Variants in PPP2R1A observed in about 807,000 individuals in gnomAD.
PPP2R1A encodes serine/threonine-protein phosphatase 2A 65 kDa regulatory subunit A alpha isoform.
PPP2R1A carries 15 observed loss-of-function variants against 67.1 expected under a neutral mutation model. That is an observed-to-expected ratio of 0.22 (90% CI 0.15 to 0.34). The LOEUF (loss-of-function observed/expected upper bound fraction) is 0.34. Among genes scored for constraint, PPP2R1A ranks in the 10% least tolerant of loss-of-function variants. The probability of loss-of-function intolerance (pLI) is 1.00; values close to 1 mark genes in which losing one functional copy is unlikely to be tolerated. For missense variants in PPP2R1A, 369 were observed against 775.0 expected, an observed-to-expected ratio of 0.48 and a Z score of 6.22; for synonymous variants, 337 against 325.0, an observed-to-expected ratio of 1.04 and a Z score of -0.40.
chr19:52,202,080 G>A (rs200525178), intron 2 of PPP2R1A, 46 bp downstream of exon 2: 21 of 1,526,958 alleles, frequency 1.4e-5, no homozygotes, highest in Non-Finnish European at 1.7e-5. Flanking sequence ...ACTCTTGGGA[G>A]GTGGTTTTCA....
chr19:52,221,379 C>T (rs956044026), intron 12 of PPP2R1A, among the ~76,000 whole-genome samples: 1 of 152,148 alleles, frequency 6.6e-6, no homozygotes, highest in Admixed American at 6.5e-5. Context: ...GGAGACTTGA[C>T]CTGTTGGAGC....
rs73935039 is a variant in PPP2R1A, at chr19:52,216,183, C to T, written c.993+109C>T. On this transcript the variant is annotated intron_variant, in intron 8 of 14. Coordinates refer to ENST00000322088, the MANE Select transcript of PPP2R1A (RefSeq NM_014225.6). This position sits in a 1 kb window ranked among gnomAD's most constrained non-coding sequence, Gnocchi z 4.3. The stretch of plus-strand genomic sequence containing the variant: ...AGCTGCAAACTAGGTTCCCAGCCCT[C>T]TGGGACCAGGCAGCTCTTGGGTTTC... The T allele has an allele frequency of 0.036, 45,004 of 1,248,276 alleles. 990 individuals carry two copies. Among genetic ancestry groups the T allele is most frequent in the African/African-American group, 0.078 (5,267 of 67,502 alleles). 77.3% of individuals were successfully genotyped at this position (1,248,276 alleles called of 1,614,324 possible). A position where few individuals can be genotyped will look rare whatever the true frequency, so the allele number is the denominator to read the frequency against.
intron 1 of PPP2R1A, among the ~76,000 whole-genome samples, chr19:52,199,869 G>A (rs1417196552): frequency 6.6e-6 from 1 of 152,194 alleles, no homozygotes; most frequent in South Asian, 2.1e-4. Context: ...AAAATCAGTT[G>A]CAGGTTTTGT....
chr19:52,190,219 T>G (rs764514613), intron 1 of PPP2R1A, 45 bp downstream of exon 1: 6 of 1,538,520 alleles, frequency 3.9e-6, no homozygotes, highest in Non-Finnish European at 5.3e-6. Context: ...GAGGGGTACC[T>G]GGGGGCACGG....
At chr19:52,194,015 A>G (rs2089476537) in intron 1 of PPP2R1A, among the ~76,000 whole-genome samples, 1 of 134,272 alleles carries the variant, frequency 7.4e-6, no homozygotes, top group South Asian at 2.6e-4. Context: ...CAGGAGACTG[A>G]GGTCGGAGGA....
At chr19:52,210,539 C>T (rs1424974104) in intron 3 of PPP2R1A, among the ~76,000 whole-genome samples, 1 of 144,806 alleles carries the variant, frequency 6.9e-6, no homozygotes, top group African/African-American at 2.6e-5. Flanking sequence ...GTTGCCCAGG[C>T]TGGAGTGCAG....
rs1979374983 is a variant in PPP2R1A at position 52,228,202 on chromosome 19, T to C, written c.*2221T>C. 1 of 152,272 alleles carries C rather than the reference T, an allele frequency of 6.6e-6. No individual in the cohort carries two copies. The highest frequency in any genetic ancestry group is 6.6e-5 in the Admixed American group (1 of 15,262). The allele number at this position is 152,272 out of a possible 1,614,324, so 9.4% of individuals were successfully genotyped here. Reference sequence around the variant, plus strand: ...TTGGGCAAGTGATGGAATGGGATTATTACAGGAGGTGGAGGTGCGATGGAT... The same window carrying C: ...TTGGGCAAGTGATGGAATGGGATTACTACAGGAGGTGGAGGTGCGATGGAT... On this transcript the variant is annotated 3_prime_UTR_variant, in exon 15 of 15. Transcript: ENST00000322088.
chr19:52,199,519 G>T (rs564196256), intron 1 of PPP2R1A, among the ~76,000 whole-genome samples: 13 of 152,254 alleles, frequency 8.5e-5, no homozygotes, highest in African/African-American at 2.9e-4. Flanking sequence ...AACTTTGGAA[G>T]ACTAACACAA....
chr19:52,205,876 G>A, intron 2 of PPP2R1A, 87 bp from the exon 3 acceptor site: 1 of 1,084,088 alleles, frequency 9.2e-7, no homozygotes, highest in Non-Finnish European at 1.4e-6. Flanking sequence ...ACAGCCTGAG[G>A]AAGCAGAATG....
intron 3 of PPP2R1A, among the ~76,000 whole-genome samples, chr19:52,210,209 A>G (rs2089651190): frequency 6.6e-6 from 1 of 152,126 alleles, no homozygotes; most frequent in African/African-American, 2.4e-5. Context: ...GTAGGTCACT[A>G]ATTAAGAGTT....
chr19:52,195,880 G>A (rs2089492760), intron 1 of PPP2R1A, among the ~76,000 whole-genome samples: 1 of 152,106 alleles, frequency 6.6e-6, no homozygotes, highest in Non-Finnish European at 1.5e-5. Flanking sequence ...TTGTTAGGTA[G>A]GCAGGATTGA....
chr19:52,223,536 G>A (rs1979070367), intron 13 of PPP2R1A, among the ~76,000 whole-genome samples: 1 of 152,188 alleles, frequency 6.6e-6, no homozygotes, highest in Non-Finnish European at 1.5e-5. Context: ...GGCAAGACAA[G>A]AAAGAGATGG....
rs1600173889 is a variant in PPP2R1A at position 52,222,343 on chromosome 19, C to T, written c.1661+102C>T. 9 of 1,455,142 alleles carry T rather than the reference C, an allele frequency of 6.2e-6. No homozygotes were observed. In the East Asian group the frequency reaches 2.2e-4, roughly 36 times the overall value. The allele number at this position is 1,455,142 out of a possible 1,614,324, so 90.1% of individuals were successfully genotyped here. A position where few individuals can be genotyped will look rare whatever the true frequency, so the allele number is the denominator to read the frequency against. ...GCCCAGGGTCAGAGGCCTGGCAGCG[C>T]TCCTTGCTTGCTGTGTGACCTTGGC... On this transcript the variant is annotated intron_variant, in intron 13 of 14. Coordinates refer to ENST00000322088, the MANE Select transcript of PPP2R1A (RefSeq NM_014225.6).
intron 14 of PPP2R1A, 34 bp from the exon 15 acceptor site, chr19:52,225,931 T>C (rs1278940410): frequency 1.2e-6 from 2 of 1,614,110 alleles, no homozygotes; most frequent in Non-Finnish European, 1.7e-6. Flanking sequence ...GAGAGGGCTC[T>C]GGTTCTGATT....
intron 3 of PPP2R1A, among the ~76,000 whole-genome samples, chr19:52,207,239 C>T (rs2089613411): frequency 1.3e-5 from 2 of 152,128 alleles, no homozygotes; most frequent in Admixed American, 1.3e-4. Context: ...GAAGGGGTTC[C>T]TTGAATTTCA....
At chr19:52,190,843 A>T (rs1267583152) in intron 1 of PPP2R1A, among the ~76,000 whole-genome samples, 5 of 152,106 alleles carry the variant, frequency 3.3e-5, no homozygotes, top group Non-Finnish European at 2.9e-5. Flanking sequence ...GGGATTTGCT[A>T]AGCAGATGAA....
intron 3 of PPP2R1A, among the ~76,000 whole-genome samples, chr19:52,207,093 CT>C (rs1307567640): frequency 6.6e-6 from 1 of 152,176 alleles, no homozygotes; most frequent in African/African-American, 2.4e-5. Flanking sequence ...ATTCGGATAT[CT>C]CAGCCTTCAT....
rs780984008 is a variant in PPP2R1A at position 52,212,994 on chromosome 19, A to G, written c.691A>G (p.Ile231Val). Residue 231 changes from isoleucine to valine, a missense_variant, in exon 6 of 15, where the codon ATC becomes GTC. By Grantham distance (29) the Ile-to-Val change is conservative. Coordinates refer to ENST00000322088, the MANE Select transcript of PPP2R1A (RefSeq NM_014225.6). This position sits in a 1 kb window ranked among gnomAD's most constrained non-coding sequence, Gnocchi z 4.1. Reference protein sequence around the residue: ...RLLAVEACVNIAQLLPQEDLE... With the variant: ...RLLAVEACVNVAQLLPQEDLE... ...GCTGGCGGTGGAGGCGTGCGTGAAC[A>G]TCGCCCAGCTTCTGCCCCAGGAGGA... 6.2e-7 allele frequency: 1 copy of G among 1,610,450 alleles called. No homozygotes were observed. Among genetic ancestry groups the G allele is most frequent in the Non-Finnish European group, 8.5e-7 (1 of 1,178,552 alleles).
chr19:52,222,956 A>G (rs1419115975), intron 13 of PPP2R1A, among the ~76,000 whole-genome samples: 5 of 152,262 alleles, frequency 3.3e-5, no homozygotes, highest in Non-Finnish European at 7.3e-5. Flanking sequence ...TATAAGCCCA[A>G]TAATCTTAAC....
Sources: gnomAD v4.1 joint callset for allele counts (sites outside exome capture counted in the v4.1 genomes callset) on GRCh38, gnomAD v4.1.1 for gene constraint, Gnocchi (gnomAD v3.1) non-coding constraint, MANE v1.5 for transcripts, NCBI Gene and HGNC (gene_info 2026-07-23, HGNC 2026-07-21) for gene names.